TCTN2: variants seen among roughly 807,000 people sequenced by gnomAD.
TCTN2 encodes the protein tectonic family member 2.
Under a neutral mutation model 83.4 loss-of-function variants are expected in TCTN2, and 66 were observed. That is an observed-to-expected ratio of 0.79 (90% CI 0.65 to 0.97). The LOEUF is 0.97. TCTN2 is among the 50% of genes least tolerant of loss of function. The pLI is 0.00. For synonymous variants in TCTN2, 301 were observed against 326.7 expected, an observed-to-expected ratio of 0.92 and a Z score of 0.85; for missense variants, 794 against 858.1, an observed-to-expected ratio of 0.93 and a Z score of 0.93.
chr12:123,683,440 C>T (rs1210530911), intron 5 of TCTN2, among the ~76,000 whole-genome samples: 1 of 151,302 alleles, frequency 6.6e-6, no homozygotes, highest in Non-Finnish European at 1.5e-5. Flanking sequence ...CCACCATGCC[C>T]AGCTAATTTT....
At position 123,706,978 on chromosome 12, in the gene TCTN2, T is replaced by C. The variant is rs746615246; in HGVS notation, c.1896-7T>C. ...TAGTTTTTGTAACCCTCTAAAATGT[T>C]TTCTAGATTCCAGATCAATTATACA... On this transcript the variant is annotated splice_polypyrimidine_tract_variant and splice_region_variant and intron_variant, in intron 16 of 17. Transcript: ENST00000303372. 3.1e-6 allele frequency: 5 copies of C among 1,614,020 alleles called. No individual in the cohort carries two copies. The highest frequency in any genetic ancestry group is 3.4e-6 in the Non-Finnish European group (4 of 1,179,900).
intron 11 of TCTN2, 135 bp from the exon 12 acceptor site, chr12:123,696,279 CT>C: frequency 1.4e-6 from 1 of 728,718 alleles, no homozygotes; most frequent in Non-Finnish European, 2.5e-6. Context: ...AAGTTGCCAT[CT>C]TTCTCTCAAG....
intron 3 of TCTN2, 121 bp downstream of exon 3, chr12:123,672,253 G>C (rs1225955652): frequency 2.1e-6 from 2 of 952,880 alleles, no homozygotes; most frequent in Non-Finnish European, 3.4e-6. Context: ...TCATGAAATT[G>C]TGGGCTGTTG....
At chr12:123,690,787 G>T in intron 8 of TCTN2, 113 bp downstream of exon 8, 1 of 1,305,500 alleles carries the variant, frequency 7.7e-7, no homozygotes. Context: ...TATTTGAACT[G>T]CCAATTATTT....
intron 13 of TCTN2, among the ~76,000 whole-genome samples, chr12:123,697,860 CTTTTT>C (rs536696616): frequency 0.045 from 6,161 of 136,544 alleles, 224 homozygotes; most frequent in African/African-American, 0.096. Flanking sequence ...GGGTGATTAA[CTTTTT>C]TTTTTTTTTT....
chr12:123,690,328 C>T lies in TCTN2; in HGVS notation c.892-205C>T, dbSNP rs539145431. On this transcript the variant is annotated intron_variant, in intron 7 of 17. Coordinates refer to ENST00000303372, the MANE Select transcript of TCTN2 (RefSeq NM_024809.5). ...TATTAGACAATATTTACTGTGACTC[C>T]ACAACCAGTGGCTTCCAGACCTTGA... Among the ~76,000 whole-genome samples the T allele has an allele frequency of 2.6e-5, 4 of 152,264 alleles. No homozygotes were observed. The South Asian group carries it at 8.3e-4, about 32-fold the overall frequency.
At chr12:123,679,762 T>C (rs867781721) in intron 5 of TCTN2, among the ~76,000 whole-genome samples, 34 of 132,942 alleles carry the variant, frequency 2.6e-4, no homozygotes, top group Non-Finnish European at 5.3e-4. Flanking sequence ...TTTTTTGAGA[T>C]GGAGTCTCGC....
At chr12:123,682,492 A>AT (rs1296354926) in intron 5 of TCTN2, among the ~76,000 whole-genome samples, 1 of 150,380 alleles carries the variant, frequency 6.6e-6, no homozygotes, top group African/African-American at 2.5e-5. Flanking sequence ...TTTTTTATTT[A>AT]TTTTTTGAGA....
chr12:123,673,538 T>C, intron 3 of TCTN2, 77 bp from the exon 4 acceptor site: 1 of 1,422,608 alleles, frequency 7.0e-7, no homozygotes, highest in Non-Finnish European at 9.9e-7. Context: ...TGTGTACTTT[T>C]ATTGTGTTTT....
At chr12:123,690,785 C>G in intron 8 of TCTN2, 111 bp downstream of exon 8, 4 of 1,316,864 alleles carry the variant, frequency 3.0e-6, no homozygotes, top group Non-Finnish European at 4.3e-6. Flanking sequence ...AATATTTGAA[C>G]TGCCAATTAT....
intron 4 of TCTN2, among the ~76,000 whole-genome samples, chr12:123,674,568 C>T (rs770898274): frequency 5.0e-4 from 76 of 151,948 alleles, no homozygotes; most frequent in African/African-American, 4.8e-4. Flanking sequence ...GTGCTCGGCA[C>T]GTGCATTGAT....
At chr12:123,686,433 CCTCA>C (rs1251584999) in intron 5 of TCTN2, among the ~76,000 whole-genome samples, 1 of 152,136 alleles carries the variant, frequency 6.6e-6, no homozygotes, top group African/African-American at 2.4e-5. Context: ...GAACGTTTCC[CCTCA>C]CTCTAAATGT....
chr12:123,696,998 A>AT (rs1956116790), intron 12 of TCTN2, 89 bp from the exon 13 acceptor site: 3 of 1,039,448 alleles, frequency 2.9e-6, no homozygotes, highest in Non-Finnish European at 4.5e-6. Context: ...ATTTCTACTT[A>AT]CTGTTTTCTG....
intron 4 of TCTN2, among the ~76,000 whole-genome samples, chr12:123,676,364 C>T (rs936048743): frequency 2.6e-5 from 4 of 151,764 alleles, no homozygotes; most frequent in Admixed American, 2.0e-4. Context: ...GTCAGGAGAT[C>T]GAGACCATTC....
At chr12:123,679,039 C>T in intron 4 of TCTN2, 150 bp from the exon 5 acceptor site, 1 of 661,508 alleles carries the variant, frequency 1.5e-6, no homozygotes, top group South Asian at 1.5e-5. Context: ...CCTCATGATC[C>T]ACCTGCCTTG....
chr12:123,699,834 A>C, intron 14 of TCTN2, 24 bp downstream of exon 14: 26 of 1,564,330 alleles, frequency 1.7e-5, no homozygotes, highest in Non-Finnish European at 2.2e-5. Context: ...GGGTACAATA[A>C]AGCCTGTAAC....
At chr12:123,701,758 G>A (rs978067776) in intron 14 of TCTN2, among the ~76,000 whole-genome samples, 2 of 151,072 alleles carry the variant, frequency 1.3e-5, no homozygotes, top group African/African-American at 4.9e-5. Flanking sequence ...AAAAAAAAAA[G>A]GGTGCAACAG....
chr12:123,680,762 C>T (rs2135825843), intron 5 of TCTN2, among the ~76,000 whole-genome samples: 1 of 151,342 alleles, frequency 6.6e-6, no homozygotes, highest in South Asian at 2.1e-4. Flanking sequence ...GGTGATCTGC[C>T]TACCTCGGCC....
At chr12:123,684,087 T>G (rs1407996612) in intron 5 of TCTN2, among the ~76,000 whole-genome samples, 1 of 152,230 alleles carries the variant, frequency 6.6e-6, no homozygotes, top group Non-Finnish European at 1.5e-5. Context: ...AAATGCAAAC[T>G]TATTTTTTTA....
Sources: gnomAD v4.1 joint callset for allele counts (sites outside exome capture counted in the v4.1 genomes callset) on GRCh38, gnomAD v4.1.1 for gene constraint, MANE v1.5 for transcripts, NCBI Gene and HGNC (gene_info 2026-07-23, HGNC 2026-07-21) for gene names.